STK33: variants seen among roughly 807,000 people sequenced by gnomAD.
STK33 encodes serine/threonine-protein kinase 33.
A neutral mutation model predicts 58.0 loss-of-function variants in STK33; 52 were observed. The observed-to-expected ratio is 0.90, with a 90% CI of 0.72 to 1.13. STK33 has a LOEUF of 1.13. Among genes scored for constraint, STK33 ranks in the 50% most tolerant of loss-of-function variants. The probability of loss-of-function intolerance (pLI) is 0.00; values close to 1 mark genes in which losing one functional copy is unlikely to be tolerated. For missense variants in STK33, 630 were observed against 604.2 expected (o/e 1.04, Z -0.45); for synonymous variants, 215 against 200.1 (o/e 1.07, Z -0.63).
chr11:8,534,562 C>CTGTG (rs1385373380), intron 1 of STK33, among the ~76,000 whole-genome samples: 4,919 of 128,440 alleles, frequency 0.038, 121 homozygotes, highest in East Asian at 0.14. Context: ...CTCTCTCTCT[C>CTGTG]TCTCTCTGTG....
the STK33 span, among the ~76,000 whole-genome samples, chr11:8,359,065 C>A: frequency 1.3e-5 from 2 of 152,170 alleles, no homozygotes; most frequent in African/African-American, 4.8e-5. Flanking sequence ...GATTGAGGGA[C>A]AGCCTGTCCA....
chr11:8,394,648 G>T (rs1306748214), intron 15 of STK33, among the ~76,000 whole-genome samples: 1 of 152,170 alleles, frequency 6.6e-6, no homozygotes, highest in Non-Finnish European at 1.5e-5. Context: ...TCTGTGAACA[G>T]AATTATTGAT....
chr11:8,593,709 T>C lies in STK33; in HGVS notation c.-466+374A>G, dbSNP rs887317481. ...GCAGTTTAAAAAAAAGAAACACAAC[T>C]TCAGAACTTCTAAGGATGTTTCCCA... On this transcript the variant is annotated intron_variant, in intron 1 of 15. Transcript: ENST00000687296. 2.0e-5 allele frequency: 3 copies of C among 152,182 alleles called. No homozygotes were observed. The South Asian group carries it at 6.2e-4, about 31-fold the overall frequency. 9.4% of individuals were successfully genotyped at this position (152,182 alleles called of 1,614,324 possible).
intron 1 of STK33, among the ~76,000 whole-genome samples, chr11:8,572,545 T>C (rs763823434): frequency 7.2e-5 from 11 of 152,066 alleles, no homozygotes; most frequent in African/African-American, 2.7e-4. Flanking sequence ...GGTAGAGAAA[T>C]ACATAAACAT....
At chr11:8,367,982 A>G in the STK33 span, among the ~76,000 whole-genome samples, 2 of 152,170 alleles carry the variant, frequency 1.3e-5, no homozygotes, top group African/African-American at 4.8e-5. Flanking sequence ...CCTAGCTTCT[A>G]TGGGGTGGTG....
downstream of STK33, among the ~76,000 whole-genome samples, chr11:8,390,859 T>C (rs1022319257): frequency 2.6e-5 from 4 of 152,234 alleles, no homozygotes; most frequent in African/African-American, 9.6e-5. Flanking sequence ...TAGTACTCTA[T>C]CTAACAATAG....
chr11:8,401,297 C>T (rs1187820930), intron 15 of STK33, among the ~76,000 whole-genome samples: 1 of 152,002 alleles, frequency 6.6e-6, no homozygotes, highest in Non-Finnish European at 1.5e-5. Context: ...CAGAACAGAG[C>T]CCTCAGAAAT....
intron 1 of STK33, among the ~76,000 whole-genome samples, chr11:8,529,409 G>A (rs543977054): frequency 1.2e-4 from 18 of 152,302 alleles, no homozygotes; most frequent in Middle Eastern, 6.8e-3. Context: ...GAGGTCTAGT[G>A]GCAAAGAGCC....
intron 14 of STK33, among the ~76,000 whole-genome samples, chr11:8,421,382 T>C (rs535052386): frequency 6.6e-6 from 1 of 152,330 alleles, no homozygotes; most frequent in Admixed American, 6.5e-5. Context: ...CAGCTCCATT[T>C]ATTGAATAGT....
At chr11:8,373,524 A>G in the STK33 span, among the ~76,000 whole-genome samples, 1 of 152,142 alleles carries the variant, frequency 6.6e-6, no homozygotes, top group Non-Finnish European at 1.5e-5. Context: ...GGGCCCAGGC[A>G]TGGCTGGGAA....
the STK33 span, among the ~76,000 whole-genome samples, chr11:8,375,221 C>G: frequency 6.6e-6 from 1 of 152,196 alleles, no homozygotes; most frequent in African/African-American, 2.4e-5. Flanking sequence ...TCAATTTAGT[C>G]GCTTGTTGGT....
intron 15 of STK33, among the ~76,000 whole-genome samples, chr11:8,412,564 C>T (rs1382934515): frequency 1.3e-5 from 2 of 152,164 alleles, no homozygotes; most frequent in African/African-American, 4.8e-5. Context: ...AGCAATGCTG[C>T]ACCTCCCTGA....
the STK33 span, among the ~76,000 whole-genome samples, chr11:8,357,330 C>T: frequency 6.6e-6 from 1 of 152,238 alleles, no homozygotes; most frequent in Non-Finnish European, 1.5e-5. Flanking sequence ...CCCAGCAGCC[C>T]GCGGAGCCAG....
At chr11:8,445,510 G>A (rs1399510435) in intron 11 of STK33, among the ~76,000 whole-genome samples, 2 of 152,192 alleles carry the variant, frequency 1.3e-5, no homozygotes, top group African/African-American at 4.8e-5. Context: ...GATATTCGCT[G>A]TTGGTGTGTC....
intron 14 of STK33, among the ~76,000 whole-genome samples, chr11:8,416,387 T>G (rs967071518): frequency 3.9e-5 from 6 of 152,054 alleles, no homozygotes; most frequent in Non-Finnish European, 7.4e-5. Flanking sequence ...TTTCTAACAT[T>G]CTAAATTACA....
At chr11:8,437,716 A>G (rs1015435849) in intron 12 of STK33, among the ~76,000 whole-genome samples, 5 of 152,140 alleles carry the variant, frequency 3.3e-5, no homozygotes, top group African/African-American at 9.7e-5. Context: ...TGATTTTTTC[A>G]TAGTAATGAT....
intron 15 of STK33, among the ~76,000 whole-genome samples, chr11:8,404,108 C>T (rs1938641012): frequency 6.6e-6 from 1 of 152,108 alleles, no homozygotes; most frequent in Admixed American, 6.5e-5. Flanking sequence ...CCTCACATCC[C>T]TATGGTTTTC....
chr11:8,459,138 A>G (rs185014976), intron 8 of STK33, among the ~76,000 whole-genome samples: 2 of 152,334 alleles, frequency 1.3e-5, no homozygotes, highest in Admixed American at 6.5e-5. Flanking sequence ...TTTTAAATAT[A>G]TAAGTTGGTC....
At chr11:8,504,261 G>A (rs993339152) in intron 1 of STK33, among the ~76,000 whole-genome samples, 1 of 152,170 alleles carries the variant, frequency 6.6e-6, no homozygotes. Context: ...AGCTACTGCT[G>A]TTATGAACCA....
Sources: allele counts gnomAD v4.1 joint callset (sites outside exome capture counted in the v4.1 genomes callset), GRCh38; gene constraint gnomAD v4.1.1; transcripts MANE v1.5; gene names NCBI Gene and HGNC (gene_info 2026-07-23, HGNC 2026-07-21).